Variants in ZMYM2 observed in about 807,000 individuals in gnomAD.
ZMYM2 encodes zinc finger MYM-type protein 2.
A neutral mutation model predicts 162.8 loss-of-function variants in ZMYM2; 56 were observed. The observed-to-expected ratio is 0.34, with a 90% CI of 0.28 to 0.43. ZMYM2 has a LOEUF of 0.43. ZMYM2 is among the 20% of genes least tolerant of loss of function. The pLI, the probability that ZMYM2 is intolerant of heterozygous loss-of-function variation, is 1.00. For missense variants in ZMYM2, 1,275 were observed against 1,621.8 expected, an observed-to-expected ratio of 0.79 and a Z score of 3.67; for synonymous variants, 510 against 541.6, an observed-to-expected ratio of 0.94 and a Z score of 0.81.
chr13:20,003,615 TTTTTTC>T lies in ZMYM2; in HGVS notation c.1133+497_1133+502del, dbSNP rs1453498497. The stretch of plus-strand genomic sequence containing the variant: ...AAGGCAGGATCCTCTCTTCTACTGT[TTTTTTC>T]TTTTTCTTTTTCTTTTCTTTTTTTT... On this transcript the variant is annotated intron_variant, in intron 4 of 24. Coordinates refer to ENST00000610343, the MANE Select transcript of ZMYM2 (RefSeq NM_197968.4). 1.2e-4 allele frequency among the ~76,000 whole-genome samples: 18 copies of T among 152,130 alleles called. No individual in the cohort carries two copies. In the South Asian group the frequency reaches 2.7e-3, roughly 23 times the overall value.
chr13:20,002,354 G>A (rs555276299), intron 3 of ZMYM2, among the ~76,000 whole-genome samples: 1 of 152,184 alleles, frequency 6.6e-6, no homozygotes, highest in Non-Finnish European at 1.5e-5. Context: ...TTTATTATAT[G>A]TCTTACCTCA....
At chr13:19,867,623 A>G in the ZMYM2 span, among the ~76,000 whole-genome samples, 1 of 152,012 alleles carries the variant, frequency 6.6e-6, no homozygotes, top group African/African-American at 2.4e-5. Flanking sequence ...TAGAATCAGT[A>G]GGATGCTTTT....
intron 10 of ZMYM2, among the ~76,000 whole-genome samples, chr13:20,033,773 C>T (rs941617387): frequency 2.6e-5 from 4 of 152,144 alleles, no homozygotes; most frequent in South Asian, 2.1e-4. Context: ...TTCAGCAGCA[C>T]GCTGTGTGAT....
At chr13:20,039,514 C>T (rs1954039127) in intron 12 of ZMYM2, among the ~76,000 whole-genome samples, 1 of 148,542 alleles carries the variant, frequency 6.7e-6, no homozygotes, top group Admixed American at 6.7e-5. Flanking sequence ...CTCTCTGTTG[C>T]CCAGGCTGGA....
chr13:19,970,736 T>C (rs1313501791), intron 2 of ZMYM2, among the ~76,000 whole-genome samples: 1 of 151,888 alleles, frequency 6.6e-6, no homozygotes, highest in African/African-American at 2.4e-5. Context: ...AGCATAGGTC[T>C]TTTCCCTCAT....
chr13:19,923,022 CAA>C, the ZMYM2 span, among the ~76,000 whole-genome samples: 69 of 94,512 alleles, frequency 7.3e-4, no homozygotes, highest in Admixed American at 1.6e-3. Flanking sequence ...GACTCCATCT[CAA>C]AAAAAAAAAA....
At chr13:20,035,776 CCT>C (rs1408311007) in intron 11 of ZMYM2, among the ~76,000 whole-genome samples, 1 of 152,038 alleles carries the variant, frequency 6.6e-6, no homozygotes, top group Non-Finnish European at 1.5e-5. Flanking sequence ...TCTTACTGCA[CCT>C]AGTTCTCTGC....
chr13:19,986,225 A>G (rs1011623950), intron 2 of ZMYM2, among the ~76,000 whole-genome samples: 1 of 151,640 alleles, frequency 6.6e-6, no homozygotes, highest in Non-Finnish European at 1.5e-5. Context: ...AAAACAAACA[A>G]ACAAAAAGAA....
At chr13:20,031,246 A>G (rs17075256) in intron 9 of ZMYM2, 73 bp from the exon 10 acceptor site, 4 of 1,037,968 alleles carry the variant, frequency 3.9e-6, no homozygotes, top group Admixed American at 2.6e-5. Context: ...GACATCGTAG[A>G]TATATGACAG....
At chr13:19,971,244 G>GTGTGTGTATATATATATATA (rs5802035) in intron 2 of ZMYM2, among the ~76,000 whole-genome samples, 12 of 50,132 alleles carry the variant, frequency 2.4e-4, no homozygotes, top group South Asian at 1.3e-3. Flanking sequence ...GTGTGTGTGT[G>GTGTGTGTATATATATATATA]TATATATATA....
chr13:19,906,010 T>C, the ZMYM2 span, among the ~76,000 whole-genome samples: 1 of 151,466 alleles, frequency 6.6e-6, no homozygotes, highest in Admixed American at 6.6e-5. Context: ...GGCGTGGTGG[T>C]GACACCTGTA....
the ZMYM2 span, among the ~76,000 whole-genome samples, chr13:19,903,440 C>G: frequency 7.6e-6 from 1 of 130,844 alleles, no homozygotes; most frequent in Non-Finnish European, 1.5e-5. Context: ...GAGTTCGAGA[C>G]CAGCCTGGCC....
the ZMYM2 span, among the ~76,000 whole-genome samples, chr13:19,922,809 A>T: frequency 1.3e-5 from 2 of 152,230 alleles, no homozygotes; most frequent in African/African-American, 4.8e-5. Flanking sequence ...CCACCACTGC[A>T]CTCCAGCCTG....
chr13:19,881,165 G>T, the ZMYM2 span, among the ~76,000 whole-genome samples: 3 of 152,046 alleles, frequency 2.0e-5, no homozygotes, highest in Non-Finnish European at 4.4e-5. Context: ...GGGATTAAAG[G>T]CGTGAGCCAC....
At chr13:19,880,914 A>C in the ZMYM2 span, among the ~76,000 whole-genome samples, 3 of 150,578 alleles carry the variant, frequency 2.0e-5, no homozygotes, top group Non-Finnish European at 4.4e-5. Flanking sequence ...TTTTTGAGAC[A>C]GTCTCGCTTC....
At chr13:19,908,345 T>C in the ZMYM2 span, among the ~76,000 whole-genome samples, 1 of 151,662 alleles carries the variant, frequency 6.6e-6, no homozygotes, top group South Asian at 2.1e-4. Flanking sequence ...CCAGGTGCAG[T>C]GGAGTCCCTC....
intron 2 of ZMYM2, among the ~76,000 whole-genome samples, chr13:19,988,736 C>T (rs753301314): frequency 1.3e-5 from 2 of 151,848 alleles, no homozygotes; most frequent in South Asian, 2.1e-4. Context: ...TGAGCAAGAT[C>T]GATTGCGCCA....
rs1439784161 is a variant in ZMYM2, at chr13:20,026,772, A to T, written c.1735+10A>T. 6.3e-7 allele frequency: 1 copy of T among 1,576,066 alleles called. No homozygotes were observed. ...TATGCAAAATCACAAAGTAAGTTTCACATATTTGGACAGTTAAAAAAACTT... is the reference window on the plus strand; with the variant it reads ...TATGCAAAATCACAAAGTAAGTTTCTCATATTTGGACAGTTAAAAAAACTT... On this transcript the variant is annotated intron_variant, in intron 8 of 24. Transcript: ENST00000610343.
chr13:19,979,070 C>T (rs1166393621), intron 2 of ZMYM2, among the ~76,000 whole-genome samples: 3 of 152,066 alleles, frequency 2.0e-5, no homozygotes, highest in Admixed American at 6.6e-5. Context: ...AATATGTCAT[C>T]CCACTGACTT....
Sources: allele counts gnomAD v4.1 joint callset (sites outside exome capture counted in the v4.1 genomes callset), GRCh38; gene constraint gnomAD v4.1.1; transcripts MANE v1.5; gene names NCBI Gene and HGNC (gene_info 2026-07-23, HGNC 2026-07-21).